The following OPRD1 variants were observed in gnomAD, a reference collection of about 807,000 sequenced individuals.
The protein encoded by OPRD1 is delta-type opioid receptor.
Under a neutral mutation model 17.5 loss-of-function variants are expected in OPRD1, and 19 were observed. The observed-to-expected ratio is 1.09, with a 90% confidence interval of 0.76 to 1.60. OPRD1 has a LOEUF of 1.60. Ranked by LOEUF, OPRD1 falls within the 40% of genes most tolerant of loss-of-function variation. The probability of loss-of-function intolerance (pLI) is 0.00; values close to 1 mark genes in which losing one functional copy is unlikely to be tolerated. For missense variants in OPRD1, 483 were observed against 547.2 expected (o/e 0.88, Z 1.17); for synonymous variants, 256 against 240.9 (o/e 1.06, Z -0.58).
intron 1 of OPRD1, among the ~76,000 whole-genome samples, chr1:28,850,474 C>T (rs1483800644): frequency 6.6e-6 from 1 of 152,090 alleles, no homozygotes; most frequent in African/African-American, 2.4e-5. Flanking sequence ...CAGGCACGCT[C>T]CACCACGCCT....
chr1:28,832,489 C>T (rs924347319), intron 1 of OPRD1, among the ~76,000 whole-genome samples: 4 of 152,068 alleles, frequency 2.6e-5, no homozygotes, highest in Non-Finnish European at 5.9e-5. Flanking sequence ...TGGTGGCACA[C>T]ACCTGTAGTC....
intron 1 of OPRD1, among the ~76,000 whole-genome samples, chr1:28,830,013 C>T (rs937750653): frequency 1.1e-4 from 17 of 152,080 alleles, no homozygotes; most frequent in African/African-American, 4.1e-4. Flanking sequence ...CTGGCCCTTT[C>T]TTTCACTTGA....
chr1:28,821,307 T>C (rs1000295585), intron 1 of OPRD1, among the ~76,000 whole-genome samples: 2 of 152,138 alleles, frequency 1.3e-5, no homozygotes, highest in Admixed American at 1.3e-4. Context: ...GTCACCATCT[T>C]GGCCAGGCTG....
At chr1:28,852,164 TAAA>T (rs71030305) in intron 1 of OPRD1, among the ~76,000 whole-genome samples, 11 of 86,740 alleles carry the variant, frequency 1.3e-4, no homozygotes, top group Admixed American at 2.8e-4. Flanking sequence ...AAACTCCATG[TAAA>T]AAAAAAAAAA....
intron 2 of OPRD1, among the ~76,000 whole-genome samples, chr1:28,861,915 T>C: frequency 7.2e-6 from 1 of 139,162 alleles, no homozygotes; most frequent in African/African-American, 2.9e-5. Flanking sequence ...TTTCTTTTCT[T>C]TTTTTTTTTT....
At chr1:28,849,965 C>G (rs1028931412) in intron 1 of OPRD1, among the ~76,000 whole-genome samples, 2 of 150,954 alleles carry the variant, frequency 1.3e-5, no homozygotes, top group South Asian at 2.1e-4. Flanking sequence ...CTGCAAGCTC[C>G]GCCTCCCAGG....
chr1:28,848,931 A>G (rs1017183601), intron 1 of OPRD1, among the ~76,000 whole-genome samples: 1 of 152,168 alleles, frequency 6.6e-6, no homozygotes, highest in Admixed American at 6.6e-5. Flanking sequence ...ATGATTGTCT[A>G]GAGGGAGTAC....
At chr1:28,860,526 TTAA>T (rs1358808328) in intron 2 of OPRD1, among the ~76,000 whole-genome samples, 1 of 152,062 alleles carries the variant, frequency 6.6e-6, no homozygotes, top group Non-Finnish European at 1.5e-5. Context: ...GTTGAGAAGG[TTAA>T]AAGAGATAAT....
At chr1:28,831,023 T>A (rs1181301925) in intron 1 of OPRD1, among the ~76,000 whole-genome samples, 1 of 152,256 alleles carries the variant, frequency 6.6e-6, no homozygotes, top group Non-Finnish European at 1.5e-5. Flanking sequence ...CCCCACCAGA[T>A]GCCCCTGCAG....
At chr1:28,854,123 G>A (rs541655534) in intron 1 of OPRD1, among the ~76,000 whole-genome samples, 23 of 152,232 alleles carry the variant, frequency 1.5e-4, no homozygotes, top group African/African-American at 3.4e-4. Flanking sequence ...GCTGTCTCTC[G>A]GGAGAGAGGG....
At chr1:28,857,575 C>T (rs2089067774) in intron 1 of OPRD1, among the ~76,000 whole-genome samples, 1 of 149,438 alleles carries the variant, frequency 6.7e-6, no homozygotes, top group Non-Finnish European at 1.5e-5. Context: ...CTCAAGCGAC[C>T]CTCCCACCTC....
In OPRD1 at chr1:28,812,502, C is replaced by T; in HGVS notation, c.119C>T (p.Ala40Val). The T allele has an allele frequency of 6.4e-7, 1 of 1,564,308 alleles. No individual in the cohort carries two copies. Among genetic ancestry groups the T allele is most frequent in the Non-Finnish European group, 8.6e-7 (1 of 1,163,902 alleles). ...AGANASGPPG[A>V]RSASSLALAI... Reference sequence around the variant, plus strand: ...GCCAATGCGTCGGGGCCGCCAGGCGCGCGGAGCGCCTCGTCCCTCGCCCTG... The same window carrying T: ...GCCAATGCGTCGGGGCCGCCAGGCGTGCGGAGCGCCTCGTCCCTCGCCCTG... The change falls in exon 1 of 3, where the codon GCG becomes GTG. Residue 40 changes from alanine (A) to valine (V), a missense_variant. By Grantham distance (64) the Ala-to-Val change is moderately conservative. Coordinates refer to ENST00000234961, the MANE Select transcript of OPRD1 (RefSeq NM_000911.4).
chr1:28,817,317 G>A (rs1241464193), intron 1 of OPRD1, among the ~76,000 whole-genome samples: 1 of 152,218 alleles, frequency 6.6e-6, no homozygotes, highest in East Asian at 1.9e-4. Flanking sequence ...TGTTGGCAAA[G>A]CACCGCGTTT....
chr1:28,862,560 C>T (rs1213054490), intron 2 of OPRD1, among the ~76,000 whole-genome samples, 182 bp from the exon 3 acceptor site: 2 of 151,172 alleles, frequency 1.3e-5, no homozygotes, highest in African/African-American at 4.8e-5. Flanking sequence ...TTACGGATAA[C>T]TAAGAGTTCA....
At chr1:28,823,375 T>TTTTGTTTATTTATTTA (rs1553149534) in intron 1 of OPRD1, among the ~76,000 whole-genome samples, 1 of 100,206 alleles carries the variant, frequency 1.0e-5, no homozygotes, top group Non-Finnish European at 2.1e-5. Flanking sequence ...CTTTTTTAAA[T>TTTTGTTTATTTATTTA]TTTATTTGTT....
At chr1:28,826,023 G>A (rs1224720777) in intron 1 of OPRD1, among the ~76,000 whole-genome samples, 2 of 152,160 alleles carry the variant, frequency 1.3e-5, no homozygotes, top group Non-Finnish European at 2.9e-5. Context: ...AGTCTAGTGG[G>A]GAAAAGATGG....
At chr1:28,847,745 C>T (rs1445944236) in intron 1 of OPRD1, among the ~76,000 whole-genome samples, 3 of 151,906 alleles carry the variant, frequency 2.0e-5, no homozygotes, top group South Asian at 2.1e-4. Context: ...GAGGTAGGAT[C>T]GCTTGAGCCC....
In OPRD1 at chr1:28,863,113, C is replaced by T; in HGVS notation, c.949C>T (p.Leu317Phe). Residue 317 changes from leucine to phenylalanine, a missense_variant, in exon 3 of 3, where the codon CTC (leucine) becomes TTC (phenylalanine). Transcript: ENST00000234961. The stretch of plus-strand genomic sequence containing the variant: ...CGCCAATAGCAGCCTCAACCCCGTG[C>T]TCTACGCTTTCCTCGACGAGAACTT... ...GYANSSLNPVLYAFLDENFKR... is the reference protein window; with the variant it reads ...GYANSSLNPVFYAFLDENFKR... The T allele has an allele frequency of 6.2e-7, 1 of 1,610,446 alleles. No homozygotes were observed. Among genetic ancestry groups the T allele is most frequent in the Non-Finnish European group, 8.5e-7 (1 of 1,179,256 alleles).
At chr1:28,857,179 T>C (rs1015206487) in intron 1 of OPRD1, among the ~76,000 whole-genome samples, 1 of 152,196 alleles carries the variant, frequency 6.6e-6, no homozygotes, top group African/African-American at 2.4e-5. Context: ...ACAGCGATTG[T>C]GTCCAGAGTG....
Sources: allele counts gnomAD v4.1 joint callset (sites outside exome capture counted in the v4.1 genomes callset), GRCh38; gene constraint gnomAD v4.1.1; transcripts MANE v1.5; gene names NCBI Gene and HGNC (gene_info 2026-07-23, HGNC 2026-07-21).